RBFOX1: variants seen among roughly 807,000 people sequenced by gnomAD.
The protein encoded by RBFOX1 is RNA binding fox-1 homolog 1, also known as RNA binding protein fox-1 homolog 1.
RBFOX1 carries 8 observed loss-of-function variants against 57.7 expected under a neutral mutation model. That is an observed-to-expected ratio of 0.14 (90% CI 0.08 to 0.25). RBFOX1 has a LOEUF of 0.25. Among genes scored for constraint, RBFOX1 ranks in the 10% least tolerant of loss-of-function variants. The probability of loss-of-function intolerance (pLI) is 1.00; values close to 1 mark genes in which losing one functional copy is unlikely to be tolerated. For synonymous variants in RBFOX1, 326 were observed against 222.4 expected (o/e 1.47, Z -4.15); for missense variants, 611 against 548.5 (o/e 1.11, Z -1.14).
intron 4 of RBFOX1, among the ~76,000 whole-genome samples, chr16:7,252,461 G>C (rs143336928): frequency 6.6e-6 from 1 of 152,258 alleles, no homozygotes; most frequent in African/African-American, 2.4e-5. Flanking sequence ...TTTCATGTTG[G>C]AATTCATCGT....
chr16:6,683,805 C>T (rs1221845701), intron 3 of RBFOX1, among the ~76,000 whole-genome samples: 1 of 152,166 alleles, frequency 6.6e-6, no homozygotes, highest in Non-Finnish European at 1.5e-5. Context: ...CTCCTTCCAC[C>T]AGTTAACAGG....
intron 4 of RBFOX1, among the ~76,000 whole-genome samples, chr16:6,010,740 G>T (rs115894115): frequency 6.6e-6 from 1 of 152,168 alleles, no homozygotes; most frequent in African/African-American, 2.4e-5. Context: ...AACGGTATCC[G>T]TTAGATGTTT....
At chr16:5,645,918 C>G (rs989279859) in intron 3 of RBFOX1, among the ~76,000 whole-genome samples, 11 of 152,224 alleles carry the variant, frequency 7.2e-5, no homozygotes, top group African/African-American at 2.7e-4. Flanking sequence ...TCACTGCAGC[C>G]TCAAACTCCT....
chr16:5,438,610 A>G (rs1289616532), intron 1 of RBFOX1, among the ~76,000 whole-genome samples: 6 of 152,130 alleles, frequency 3.9e-5, no homozygotes, highest in Non-Finnish European at 4.4e-5. Context: ...ATTCTAGACC[A>G]CACGGGTTTC....
At chr16:7,457,106 C>G (rs998359539) in intron 4 of RBFOX1, among the ~76,000 whole-genome samples, 1 of 151,966 alleles carries the variant, frequency 6.6e-6, no homozygotes, top group Non-Finnish European at 1.5e-5. Flanking sequence ...AGGCTGGTCT[C>G]GAACTCCTGA....
At chr16:6,725,024 C>G (rs2066863230) in intron 3 of RBFOX1, among the ~76,000 whole-genome samples, 1 of 148,680 alleles carries the variant, frequency 6.7e-6, no homozygotes. Flanking sequence ...CTTTTGTTGC[C>G]CTCTTGGTTT....
chr16:6,971,804 C>T (rs566679490), intron 3 of RBFOX1, among the ~76,000 whole-genome samples: 1 of 151,890 alleles, frequency 6.6e-6, no homozygotes, highest in East Asian at 1.9e-4. Context: ...GTGTGGAGGG[C>T]GAGGGAAATA....
chr16:6,604,483 A>T (rs985906372), intron 2 of RBFOX1, among the ~76,000 whole-genome samples: 2 of 152,158 alleles, frequency 1.3e-5, no homozygotes, highest in African/African-American at 4.8e-5. Flanking sequence ...TGTAATTTTT[A>T]GTGGCACAAT....
intron 3 of RBFOX1, among the ~76,000 whole-genome samples, chr16:5,793,377 C>A (rs75487143): frequency 1.3e-5 from 2 of 152,220 alleles, no homozygotes; most frequent in East Asian, 1.9e-4. Context: ...AAACCTGAGC[C>A]TTGATTAGAA....
chr16:7,581,871 T>C (rs1202633764), intron 6 of RBFOX1, among the ~76,000 whole-genome samples: 1 of 151,972 alleles, frequency 6.6e-6, no homozygotes, highest in African/African-American at 2.4e-5. Flanking sequence ...CCACCATGCT[T>C]GGCTAATTTT....
intron 4 of RBFOX1, among the ~76,000 whole-genome samples, chr16:7,382,766 A>G (rs183183472): frequency 1.3e-5 from 2 of 152,392 alleles, no homozygotes; most frequent in African/African-American, 4.8e-5. Context: ...TACATTAAAT[A>G]GAAATTTATC....
chr16:6,803,633 T>C (rs1396396735), intron 3 of RBFOX1, among the ~76,000 whole-genome samples: 2 of 152,208 alleles, frequency 1.3e-5, no homozygotes, highest in Non-Finnish European at 2.9e-5. Context: ...GAATGGACTT[T>C]AGCAAAAGAA....
At chr16:5,366,409 C>CA in intron 1 of RBFOX1, 1 of 436,524 alleles carries the variant, frequency 2.3e-6, no homozygotes, top group Non-Finnish European at 4.4e-6. Context: ...ATACTCCAGC[C>CA]AAAAATGCAC....
chr16:5,907,622 G>C lies in RBFOX1; in HGVS notation c.351+40287G>C, dbSNP rs374192642. On this transcript the variant is annotated intron_variant, in intron 4 of 19. Coordinates refer to the RBFOX1 transcript ENST00000641259. ...TCATTTAAGTCTCGTAACAACCCCT[G>C]AGTAGGACTCTTGTTTTCCTGACGA... 3.3e-5 allele frequency among the ~76,000 whole-genome samples: 5 copies of C among 152,208 alleles called. No individual in the cohort carries two copies. The East Asian group carries it at 7.7e-4, about 24-fold the overall frequency.
intron 2 of RBFOX1, among the ~76,000 whole-genome samples, chr16:6,508,582 G>T (rs372932808): frequency 1.6e-4 from 24 of 152,030 alleles, no homozygotes; most frequent in Non-Finnish European, 3.2e-4. Flanking sequence ...GTAACATCTC[G>T]TCTCTGCTTC....
intron 3 of RBFOX1, among the ~76,000 whole-genome samples, chr16:5,852,094 G>A (rs538459369): frequency 6.6e-6 from 1 of 152,222 alleles, no homozygotes; most frequent in African/African-American, 2.4e-5. Flanking sequence ...AGAACAGCCT[G>A]CAGAGTGATC....
intron 4 of RBFOX1, among the ~76,000 whole-genome samples, chr16:7,232,740 C>T (rs1369625431): frequency 6.6e-6 from 1 of 151,650 alleles, no homozygotes; most frequent in East Asian, 1.9e-4. Flanking sequence ...ACTGAGAAGG[C>T]TGAGGCAGGA....
At chr16:5,686,713 A>G (rs2050516060) in intron 3 of RBFOX1, among the ~76,000 whole-genome samples, 2 of 152,212 alleles carry the variant, frequency 1.3e-5, no homozygotes, top group African/African-American at 4.8e-5. Context: ...TAACTCTCAT[A>G]GTGGAAATTG....
chr16:6,869,426 G>A (rs2060487594), intron 3 of RBFOX1, among the ~76,000 whole-genome samples: 1 of 151,452 alleles, frequency 6.6e-6, no homozygotes, highest in Non-Finnish European at 1.5e-5. Context: ...TAACCACTGT[G>A]GTATCTGTCT....
Sources: allele counts gnomAD v4.1 joint callset (sites outside exome capture counted in the v4.1 genomes callset), GRCh38; gene constraint gnomAD v4.1.1; transcripts MANE v1.5; gene names NCBI Gene and HGNC (gene_info 2026-07-23, HGNC 2026-07-21).